The following MOB1B variants were observed in gnomAD, a reference collection of about 807,000 sequenced individuals.
The protein encoded by MOB1B is MOB kinase activator 1B.
In MOB1B, 19 loss-of-function variants were observed where a neutral mutation model predicts 24.4. The observed-to-expected ratio is 0.78, with a 90% CI of 0.54 to 1.14. MOB1B has a LOEUF of 1.14. MOB1B is among the 50% of genes most tolerant of loss of function. MOB1B has a pLI of 0.00. For missense variants in MOB1B, 243 were observed against 259.6 expected, an observed-to-expected ratio of 0.94 and a Z score of 0.44; for synonymous variants, 76 against 82.1, an observed-to-expected ratio of 0.93 and a Z score of 0.40.
intron 1 of MOB1B, among the ~76,000 whole-genome samples, chr4:70,939,893 G>A (rs1199457102): frequency 6.6e-6 from 1 of 152,202 alleles, no homozygotes; most frequent in Non-Finnish European, 1.5e-5. Flanking sequence ...TTATTGAGCG[G>A]AAGTAGCTCT....
rs535354258 is a variant in MOB1B at position 70,936,027 on chromosome 4, A to G, written c.15-22847A>G. Among the ~76,000 whole-genome samples the G allele has an allele frequency of 1.3e-4, 20 of 151,370 alleles. No homozygotes were observed. In the South Asian group the frequency reaches 3.8e-3, roughly 29 times the overall value. ...CCACTACGCCCGGCTAATTTTTTGT[A>G]TTTTTAGTAGAGACGGGGTTTCACC... is the stretch of plus-strand genomic sequence containing the variant. On this transcript the variant is annotated intron_variant, in intron 1 of 5. Transcript: ENST00000309395.
chr4:70,973,074 A>G (rs1392925702), intron 3 of MOB1B, among the ~76,000 whole-genome samples: 2 of 152,110 alleles, frequency 1.3e-5, no homozygotes, highest in Non-Finnish European at 2.9e-5. Flanking sequence ...CGCCCGGCCT[A>G]ATTATTTTAT....
At chr4:70,916,380 A>G (rs1736195621) in intron 1 of MOB1B, among the ~76,000 whole-genome samples, 1 of 152,244 alleles carries the variant, frequency 6.6e-6, no homozygotes, top group Non-Finnish European at 1.5e-5. Context: ...GCATGCAAGC[A>G]TTTAAAACCT....
At chr4:70,973,729 T>C (rs1269089001) in intron 3 of MOB1B, among the ~76,000 whole-genome samples, 4 of 152,192 alleles carry the variant, frequency 2.6e-5, no homozygotes, top group Admixed American at 2.6e-4. Flanking sequence ...TTGGAAAGTA[T>C]CATACTTGGA....
chr4:70,959,639 T>TC (rs1223010770), intron 2 of MOB1B, among the ~76,000 whole-genome samples: 2 of 152,224 alleles, frequency 1.3e-5, no homozygotes, highest in African/African-American at 4.8e-5. Context: ...GACATACCAC[T>TC]CTCCTTTCTA....
chr4:70,903,565 A>G (rs1397916725), intron 1 of MOB1B, among the ~76,000 whole-genome samples: 1 of 152,186 alleles, frequency 6.6e-6, no homozygotes, highest in African/African-American at 2.4e-5. Context: ...CTAATAAAAA[A>G]CTTAGAAGTT....
intron 1 of MOB1B, among the ~76,000 whole-genome samples, chr4:70,956,771 G>GA (rs1738071326): frequency 6.6e-6 from 1 of 152,182 alleles, no homozygotes; most frequent in Non-Finnish European, 1.5e-5. Context: ...AGAGATAGGA[G>GA]AGGGTGTGTG....
chr4:70,950,367 C>T (rs1052920960), intron 1 of MOB1B, among the ~76,000 whole-genome samples: 3 of 142,770 alleles, frequency 2.1e-5, no homozygotes, highest in African/African-American at 7.9e-5. Flanking sequence ...ACCCAGGAGG[C>T]GGATGAGCCA....
chr4:70,925,223 G>C (rs528624238), intron 1 of MOB1B, among the ~76,000 whole-genome samples: 5 of 152,192 alleles, frequency 3.3e-5, no homozygotes, highest in Non-Finnish European at 7.4e-5. Flanking sequence ...TTTTAGTAGA[G>C]ACGGGGTTTC....
chr4:70,933,935 C>T (rs1010056396), intron 1 of MOB1B, among the ~76,000 whole-genome samples: 1 of 152,014 alleles, frequency 6.6e-6, no homozygotes, highest in African/African-American at 2.4e-5. Flanking sequence ...GCCTGTAATC[C>T]CAACACTTTC....
At chr4:70,902,346 C>A (rs114889883), upstream of MOB1B, 2,646 of 679,574 alleles carry the variant, frequency 3.9e-3, 52 homozygotes, top group African/African-American at 0.041. Flanking sequence ...GAGCGCTACC[C>A]ACTTCCGCCC....
intron 1 of MOB1B, among the ~76,000 whole-genome samples, chr4:70,906,273 G>A (rs1323218399): frequency 1.3e-5 from 2 of 152,106 alleles, no homozygotes; most frequent in African/African-American, 4.8e-5. Flanking sequence ...AGTTACATGG[G>A]AGACTGAGTA....
At chr4:70,903,069 G>A (rs888849971) in intron 1 of MOB1B, among the ~76,000 whole-genome samples, 1 of 152,184 alleles carries the variant, frequency 6.6e-6, no homozygotes, top group Non-Finnish European at 1.5e-5. Flanking sequence ...GGGATGACAA[G>A]TTCTGTAGAT....
chr4:70,908,861 G>A (rs1291299656), intron 1 of MOB1B, among the ~76,000 whole-genome samples: 1 of 150,736 alleles, frequency 6.6e-6, no homozygotes, highest in Non-Finnish European at 1.5e-5. Flanking sequence ...ACCAGCCTGG[G>A]CAACATGGTG....
At chr4:70,910,379 A>C (rs1419047672) in intron 1 of MOB1B, among the ~76,000 whole-genome samples, 1 of 151,978 alleles carries the variant, frequency 6.6e-6, no homozygotes, top group Non-Finnish European at 1.5e-5. Flanking sequence ...TAACAAAATT[A>C]TATCTATATA....
intron 1 of MOB1B, among the ~76,000 whole-genome samples, chr4:70,930,212 T>G (rs549156655): frequency 6.6e-6 from 1 of 151,696 alleles, no homozygotes; most frequent in Non-Finnish European, 1.5e-5. Flanking sequence ...TGTTTCTTAG[T>G]TTTTTTTTGA....
At chr4:70,920,759 G>A (rs963921324) in intron 1 of MOB1B, among the ~76,000 whole-genome samples, 1 of 152,074 alleles carries the variant, frequency 6.6e-6, no homozygotes, top group African/African-American at 2.4e-5. Flanking sequence ...CTCACAAATA[G>A]TTTACAGATT....
chr4:70,915,081 A>G (rs1433729972), intron 1 of MOB1B, among the ~76,000 whole-genome samples: 2 of 152,228 alleles, frequency 1.3e-5, no homozygotes, highest in African/African-American at 4.8e-5. Context: ...GGTTATTATC[A>G]TTATCTTAAC....
At chr4:70,952,712 CTG>C (rs1285268853) in intron 1 of MOB1B, among the ~76,000 whole-genome samples, 3 of 146,512 alleles carry the variant, frequency 2.0e-5, no homozygotes, top group East Asian at 4.0e-4. Context: ...ATACTAGAAA[CTG>C]TAATTTCTTC....
Sources: gnomAD v4.1 joint callset for allele counts (sites outside exome capture counted in the v4.1 genomes callset) on GRCh38, gnomAD v4.1.1 for gene constraint, MANE v1.5 for transcripts, NCBI Gene and HGNC (gene_info 2026-07-23, HGNC 2026-07-21) for gene names.